SUGCT: variants seen among roughly 807,000 people sequenced by gnomAD.
SUGCT encodes the protein succinyl-CoA:glutarate-CoA transferase.
Under a neutral mutation model 55.0 loss-of-function variants are expected in SUGCT, and 41 were observed. The ratio of observed to expected loss-of-function variants is 0.74; its 90% CI spans 0.58 to 0.97. SUGCT has a LOEUF of 0.97. SUGCT is among the 50% of genes least tolerant of loss of function. The pLI, the probability that SUGCT is intolerant of heterozygous loss-of-function variation, is 0.00. For synonymous variants in SUGCT, 187 were observed against 200.4 expected, an observed-to-expected ratio of 0.93 and a Z score of 0.56; for missense variants, 568 against 547.8, an observed-to-expected ratio of 1.04 and a Z score of -0.37.
chr7:40,349,765 C>T (rs1039367114), intron 9 of SUGCT, among the ~76,000 whole-genome samples: 1 of 152,172 alleles, frequency 6.6e-6, no homozygotes, highest in Non-Finnish European at 1.5e-5. Context: ...CTCTATCTCT[C>T]GGGCTTAAGT....
intron 7 of SUGCT, among the ~76,000 whole-genome samples, chr7:40,243,089 C>T (rs1354436752): frequency 6.7e-6 from 1 of 149,798 alleles, no homozygotes; most frequent in East Asian, 2.0e-4. Context: ...GCACATGCAA[C>T]CATGCCTGCA....
chr7:40,317,334 T>C (rs1795496171), intron 9 of SUGCT, among the ~76,000 whole-genome samples: 1 of 152,216 alleles, frequency 6.6e-6, no homozygotes, highest in Non-Finnish European at 1.5e-5. Flanking sequence ...TGCTGTTCTT[T>C]ATTAAGTGTC....
the SUGCT span, among the ~76,000 whole-genome samples, chr7:41,026,204 T>A: frequency 5.3e-5 from 8 of 152,206 alleles, no homozygotes; most frequent in Non-Finnish European, 1.2e-4. Context: ...CATTTTGCAC[T>A]GGGCCTCCCA....
Position 40,309,295 on chromosome 7 carries a change from T to C in SUGCT, c.721-7465T>C, listed in dbSNP as rs1270089824. Among the ~76,000 whole-genome samples the C allele has an allele frequency of 7.1e-5, 9 of 126,174 alleles. No homozygotes were observed. In the East Asian group the frequency reaches 2.1e-3, roughly 29 times the overall value. 82.8% of individuals were successfully genotyped at this position (126,174 alleles called of 152,430 possible). ...TTCCTGGCACATAGTAAGTGTGATA[T>C]CAGTGTTTTTTTTTTGTTTGTTTTT... On this transcript the variant is annotated intron_variant, in intron 8 of 13. Coordinates refer to ENST00000335693, the MANE Select transcript of SUGCT (RefSeq NM_001193313.2).
At chr7:40,770,549 A>G (rs990017209) in intron 13 of SUGCT, among the ~76,000 whole-genome samples, 1 of 152,186 alleles carries the variant, frequency 6.6e-6, no homozygotes, top group African/African-American at 2.4e-5. Context: ...TTTCGGGAGA[A>G]GGTTCCTGGA....
intron 12 of SUGCT, among the ~76,000 whole-genome samples, chr7:40,517,264 T>A (rs1290698700): frequency 1.3e-5 from 2 of 151,962 alleles, no homozygotes; most frequent in Non-Finnish European, 2.9e-5. Context: ...TAGGATTTTT[T>A]AAATGTAAGC....
intron 12 of SUGCT, among the ~76,000 whole-genome samples, chr7:40,593,147 A>G (rs921148025): frequency 1.3e-5 from 2 of 152,150 alleles, no homozygotes; most frequent in Non-Finnish European, 2.9e-5. Context: ...TTAAGAGTTC[A>G]GAGTCACAGA....
intron 9 of SUGCT, among the ~76,000 whole-genome samples, chr7:40,436,745 G>A (rs1010271822): frequency 6.6e-6 from 1 of 152,286 alleles, no homozygotes; most frequent in African/African-American, 2.4e-5. Flanking sequence ...ACCTTGGGTT[G>A]TTCCTGAAAA....
At chr7:40,337,295 G>T (rs956360762) in intron 9 of SUGCT, among the ~76,000 whole-genome samples, 2 of 152,070 alleles carry the variant, frequency 1.3e-5, no homozygotes, top group African/African-American at 4.8e-5. Context: ...TCAATTCCTG[G>T]ATATGCTTGT....
At chr7:40,255,915 C>T (rs1353898419) in intron 7 of SUGCT, among the ~76,000 whole-genome samples, 2 of 152,024 alleles carry the variant, frequency 1.3e-5, no homozygotes, top group African/African-American at 4.8e-5. Flanking sequence ...GAATGCTCAC[C>T]TGATATTTGG....
intron 12 of SUGCT, among the ~76,000 whole-genome samples, chr7:40,588,270 T>C (rs1797512796): frequency 6.6e-6 from 1 of 151,992 alleles, no homozygotes; most frequent in African/African-American, 2.4e-5. Flanking sequence ...TTAGGGTACA[T>C]GTGCACATTG....
chr7:40,237,887 A>C (rs1051520258), intron 7 of SUGCT, among the ~76,000 whole-genome samples, 161 bp downstream of exon 7: 2 of 152,236 alleles, frequency 1.3e-5, no homozygotes, highest in African/African-American at 4.8e-5. Flanking sequence ...GAAACCAGGG[A>C]AAGTGAATGC....
At chr7:40,978,159 A>G in the SUGCT span, among the ~76,000 whole-genome samples, 1 of 152,190 alleles carries the variant, frequency 6.6e-6, no homozygotes. Flanking sequence ...CAGCCCTTGG[A>G]ATACAGGCTG....
the SUGCT span, among the ~76,000 whole-genome samples, chr7:40,972,747 T>A: frequency 2.0e-5 from 3 of 152,122 alleles, no homozygotes; most frequent in African/African-American, 7.2e-5. Flanking sequence ...ACACAAGAGA[T>A]TTATCTAGGG....
intron 7 of SUGCT, among the ~76,000 whole-genome samples, chr7:40,246,581 TG>T (rs1217991803): frequency 6.7e-6 from 1 of 148,956 alleles, no homozygotes; most frequent in Non-Finnish European, 1.5e-5. Context: ...CTGACTTTTT[TG>T]TTTAATTGAA....
chr7:40,486,399 T>G (rs1791351180), intron 11 of SUGCT, among the ~76,000 whole-genome samples: 1 of 152,152 alleles, frequency 6.6e-6, no homozygotes, highest in South Asian at 2.1e-4. Context: ...TTTGTTGAGT[T>G]TATCTTTTCA....
intron 9 of SUGCT, among the ~76,000 whole-genome samples, chr7:40,366,145 C>G (rs535500205): frequency 7.2e-5 from 11 of 152,118 alleles, no homozygotes; most frequent in East Asian, 3.9e-4. Context: ...ACAAACCTGA[C>G]AAAAACAAGA....
chr7:40,656,811 T>G (rs553943509), intron 12 of SUGCT, among the ~76,000 whole-genome samples: 143 of 152,332 alleles, frequency 9.4e-4, no homozygotes, highest in African/African-American at 3.2e-3. Flanking sequence ...CACTCTTTGG[T>G]GTGTTCCTGT....
At chr7:40,304,591 C>T (rs1009938389) in intron 8 of SUGCT, among the ~76,000 whole-genome samples, 1 of 151,454 alleles carries the variant, frequency 6.6e-6, no homozygotes, top group Non-Finnish European at 1.5e-5. Context: ...CACCACCCCC[C>T]ACCCTTTCCT....
Sources: gnomAD v4.1 joint callset for allele counts (sites outside exome capture counted in the v4.1 genomes callset) on GRCh38, gnomAD v4.1.1 for gene constraint, MANE v1.5 for transcripts, NCBI Gene and HGNC (gene_info 2026-07-23, HGNC 2026-07-21) for gene names.